Variants in IPO11 observed in about 807,000 individuals in gnomAD.
IPO11 encodes the protein importin-11.
IPO11 carries 66 observed loss-of-function variants against 143.2 expected under a neutral mutation model. The ratio of observed to expected loss-of-function variants is 0.46; its 90% CI spans 0.38 to 0.57. The LOEUF (loss-of-function observed/expected upper bound fraction) is 0.57, where lower values mean the gene tolerates loss of function less well. Among genes scored for constraint, IPO11 ranks in the 20% least tolerant of loss-of-function variants. The pLI is 0.00. For synonymous variants in IPO11, 385 were observed against 377.8 expected (o/e 1.02, Z -0.22); for missense variants, 1,026 against 1,141.0 (o/e 0.90, Z 1.45).
intron 28 of IPO11, among the ~76,000 whole-genome samples, chr5:62,592,983 G>C (rs1745086159): frequency 6.6e-6 from 1 of 152,178 alleles, no homozygotes; most frequent in Non-Finnish European, 1.5e-5. Flanking sequence ...ATGTGACAAA[G>C]TTTACAACTC....
intron 29 of IPO11, among the ~76,000 whole-genome samples, chr5:62,610,395 A>G (rs1745884799): frequency 6.6e-6 from 1 of 152,204 alleles, no homozygotes; most frequent in South Asian, 2.1e-4. Context: ...TAGTGAATAT[A>G]AATTATTGCT....
At chr5:62,612,287 G>A (rs1745950764) in intron 29 of IPO11, among the ~76,000 whole-genome samples, 1 of 152,072 alleles carries the variant, frequency 6.6e-6, no homozygotes, top group Admixed American at 6.5e-5. Flanking sequence ...ACAGGCCAAC[G>A]GATTTTAATG....
At chr5:62,597,169 T>G (rs1745259469) in intron 28 of IPO11, among the ~76,000 whole-genome samples, 1 of 152,162 alleles carries the variant, frequency 6.6e-6, no homozygotes, top group South Asian at 2.1e-4. Context: ...AACATAGGAT[T>G]GAAGGGATTT....
intron 29 of IPO11, among the ~76,000 whole-genome samples, chr5:62,621,327 T>A (rs1007721544): frequency 1.3e-5 from 2 of 152,146 alleles, no homozygotes; most frequent in Non-Finnish European, 2.9e-5. Flanking sequence ...ACAGAATTAT[T>A]GGGCAAAAAT....
Position 62,424,415 on chromosome 5 carries a change from G to A in IPO11, c.-7+11486G>A, listed in dbSNP as rs1047889189. Among the ~76,000 whole-genome samples the A allele has an allele frequency of 4.4e-4, 67 of 151,442 alleles. 1 individual carries two copies. Among genetic ancestry groups the A allele is most frequent in the East Asian group, 7.9e-4 (4 of 5,060 alleles). On this transcript the variant is annotated intron_variant, in intron 1 of 29. Coordinates refer to ENST00000325324, the MANE Select transcript of IPO11 (RefSeq NM_016338.5). ...GGGCCTCCCAAAGTGCTGGGATTAC[G>A]GGTGTGAGCCATCGCGCCTGGCTCA...
At chr5:62,487,631 C>CTTTTT in intron 12 of IPO11, 140 bp from the exon 13 acceptor site, 1 of 738,888 alleles carries the variant, frequency 1.4e-6, no homozygotes. Context: ...GGTAACCTTA[C>CTTTTT]TTTTTTTTTT....
chr5:62,487,462 G>A lies in IPO11; in HGVS notation c.1219-309G>A, dbSNP rs1746451055. On this transcript the variant is annotated intron_variant, in intron 12 of 29. Transcript: ENST00000325324. ...AGCTATAAATGAGTGGCTACAGAAT[G>A]CTTTTTAAATTTAAGGTATGATTAA... is the stretch of plus-strand genomic sequence containing the variant. Among the ~76,000 whole-genome samples, 3 of 151,940 alleles carry A rather than the reference G, an allele frequency of 2.0e-5. No homozygotes were observed. In the South Asian group the frequency reaches 6.2e-4, roughly 31 times the overall value.
At position 62,499,170 on chromosome 5, in the gene IPO11, A is replaced by G. The variant is rs557901341; in HGVS notation, c.1590+5046A>G. ...AAATGCGTCCTTAGGCGATTTCCTC[A>G]TTGTGGGGACATCATAGAGTGTGCT... is the stretch of plus-strand genomic sequence containing the variant. On this transcript the variant is annotated intron_variant, in intron 16 of 29. Coordinates refer to ENST00000325324, the MANE Select transcript of IPO11 (RefSeq NM_016338.5). 2.0e-5 allele frequency among the ~76,000 whole-genome samples: 3 copies of G among 152,266 alleles called. No homozygotes were observed. The East Asian group carries it at 5.8e-4, about 29-fold the overall frequency.
chr5:62,579,552 C>T lies in IPO11; in HGVS notation c.2583-12025C>T, dbSNP rs1186300306. The T allele has an allele frequency of 3.9e-6, 6 of 1,551,014 alleles. No individual in the cohort carries two copies. In the African/African-American group the frequency reaches 6.8e-5, roughly 18 times the overall value. ...TTGGATGTTCGTCTGTTTGTCAGCT[C>T]TGCACTGGGAGACAAATTAACTGCC... On this transcript the variant is annotated intron_variant, in intron 27 of 29. Transcript: ENST00000325324.
At chr5:62,418,115 C>T (rs765739918) in intron 1 of IPO11, among the ~76,000 whole-genome samples, 3 of 151,784 alleles carry the variant, frequency 2.0e-5, no homozygotes, top group Admixed American at 6.6e-5. Flanking sequence ...TGCAGCTTTC[C>T]GAGTAGCTGG....
chr5:62,507,713 A>C (rs1741599891), intron 19 of IPO11, among the ~76,000 whole-genome samples: 1 of 152,182 alleles, frequency 6.6e-6, no homozygotes, highest in Admixed American at 6.5e-5. Context: ...AATTTCTTAG[A>C]TAAAACTTTT....
At chr5:62,506,657 CA>C (rs1741566585) in intron 19 of IPO11, among the ~76,000 whole-genome samples, 2 of 152,064 alleles carry the variant, frequency 1.3e-5, no homozygotes. Context: ...AGGGCATAGC[CA>C]CAAGTGTCCA....
At chr5:62,526,297 C>T (rs201181005) in intron 21 of IPO11, 40 bp downstream of exon 21, 35 of 1,381,470 alleles carry the variant, frequency 2.5e-5, no homozygotes, top group East Asian at 1.8e-4. Flanking sequence ...TTATTTTATT[C>T]GTGACCTTTC....
intron 24 of IPO11, among the ~76,000 whole-genome samples, chr5:62,546,291 C>CT: frequency 6.6e-6 from 1 of 152,230 alleles, no homozygotes. Flanking sequence ...AGTTTATGTC[C>CT]TTTGTAGGGA....
At chr5:62,419,100 G>A in intron 1 of IPO11, 1 of 1,550,544 alleles carries the variant, frequency 6.4e-7, no homozygotes, top group East Asian at 2.4e-5. Context: ...TTACTGCACT[G>A]AATACTGTAA....
rs569936431 is a variant in IPO11, at chr5:62,565,624, G to T, written c.2582+4367G>T. 3.9e-5 allele frequency among the ~76,000 whole-genome samples: 6 copies of T among 152,092 alleles called. No homozygotes were observed. In the South Asian group the frequency reaches 1.2e-3, roughly 32 times the overall value. On this transcript the variant is annotated intron_variant, in intron 27 of 29. Transcript: ENST00000325324. ...GTCTCAGTTTATATCTTTTTATATT[G>T]CCATTTCTTAACAAATTGTTGTGGT...
intron 27 of IPO11, among the ~76,000 whole-genome samples, chr5:62,586,822 A>T (rs1744813064): frequency 7.3e-6 from 1 of 136,666 alleles, no homozygotes; most frequent in South Asian, 2.4e-4. Flanking sequence ...CCTTGTAATT[A>T]TGTATAGCTT....
intron 29 of IPO11, among the ~76,000 whole-genome samples, chr5:62,618,089 A>G (rs1746208926): frequency 6.6e-6 from 1 of 152,304 alleles, no homozygotes; most frequent in East Asian, 1.9e-4. Flanking sequence ...ACAAAAACTG[A>G]GCATATTCTA....
chr5:62,538,550 G>C (rs148892160), intron 24 of IPO11, among the ~76,000 whole-genome samples: 4 of 152,250 alleles, frequency 2.6e-5, no homozygotes, highest in Non-Finnish European at 5.9e-5. Flanking sequence ...TCTTCCTGCT[G>C]CCCTGTGAAG....
Sources: allele counts gnomAD v4.1 joint callset (sites outside exome capture counted in the v4.1 genomes callset), GRCh38; gene constraint gnomAD v4.1.1; transcripts MANE v1.5; gene names NCBI Gene and HGNC (gene_info 2026-07-23, HGNC 2026-07-21).